The following SEMA3C variants were observed in gnomAD, a reference collection of about 807,000 sequenced individuals.
SEMA3C encodes the protein semaphorin 3C.
Under a neutral mutation model 89.4 loss-of-function variants are expected in SEMA3C, and 47 were observed. The observed-to-expected ratio is 0.53, with a 90% CI of 0.42 to 0.67. SEMA3C has a LOEUF of 0.67. SEMA3C is among the 30% of genes least tolerant of loss of function. The pLI, the probability that SEMA3C is intolerant of heterozygous loss-of-function variation, is 0.00. For missense variants in SEMA3C, 839 were observed against 929.1 expected, an observed-to-expected ratio of 0.90 and a Z score of 1.26; for synonymous variants, 310 against 320.2, an observed-to-expected ratio of 0.97 and a Z score of 0.34.
intron 5 of SEMA3C, among the ~76,000 whole-genome samples, chr7:80,814,648 AC>A (rs1317965127): frequency 3.3e-5 from 5 of 151,956 alleles, no homozygotes; most frequent in African/African-American, 1.2e-4. Context: ...CATTCAACAG[AC>A]CAAACTCAGG....
chr7:80,909,036 C>T lies in SEMA3C; in HGVS notation c.103+7643G>A, dbSNP rs572641655. ...AGTATACACTTAGGAAAGACTAAAA[C>T]GGTATTCAAATATAATGTAATTTTA... On this transcript the variant is annotated intron_variant, in intron 2 of 17. Coordinates refer to ENST00000265361, the MANE Select transcript of SEMA3C (RefSeq NM_006379.5). 2.6e-4 allele frequency among the ~76,000 whole-genome samples: 40 copies of T among 151,932 alleles called. No homozygotes were observed. In the South Asian group the frequency reaches 7.3e-3, roughly 28 times the overall value.
intron 15 of SEMA3C, among the ~76,000 whole-genome samples, chr7:80,757,541 C>G (rs1442801533): frequency 6.6e-6 from 1 of 152,176 alleles, no homozygotes. Context: ...GGTATCCATG[C>G]TGAAATAATA....
chr7:80,839,771 A>G (rs1484595828), intron 2 of SEMA3C, among the ~76,000 whole-genome samples: 1 of 152,004 alleles, frequency 6.6e-6, no homozygotes, highest in African/African-American at 2.4e-5. Flanking sequence ...CTGACATGGT[A>G]TATCATGTCA....
intron 4 of SEMA3C, among the ~76,000 whole-genome samples, chr7:80,820,316 T>G (rs1789716720): frequency 6.6e-6 from 1 of 152,030 alleles, no homozygotes; most frequent in African/African-American, 2.4e-5. Flanking sequence ...CGCCTCGGCC[T>G]CCCAAAGTGC....
chr7:80,793,799 T>C (rs1038884156), intron 11 of SEMA3C, among the ~76,000 whole-genome samples: 1 of 133,880 alleles, frequency 7.5e-6, no homozygotes, highest in Non-Finnish European at 1.7e-5. Context: ...TGAAGACAGA[T>C]TGCAGAAAAT....
At chr7:80,832,425 C>T (rs1044442152) in intron 2 of SEMA3C, among the ~76,000 whole-genome samples, 1 of 152,172 alleles carries the variant, frequency 6.6e-6, no homozygotes, top group African/African-American at 2.4e-5. Flanking sequence ...TGTAGATTAT[C>T]TATCTAATTA....
chr7:80,758,468 G>A lies in SEMA3C; in HGVS notation c.1506C>T (p.Ser502=). ...GAGATACCTGGGAAACCCCTTCATT[G>A]GAACTCACATACAACTGTTGCTATT... ...SSKKQQLYVS[S]NEGVSQVSLH... is the part of the protein sequence containing the mutation. The change falls in exon 15 of 18, where the codon TCC becomes TCT. Residue 502 remains serine (S), a synonymous_variant. Transcript: ENST00000265361. The A allele has an allele frequency of 6.2e-7, 1 of 1,613,794 alleles. No homozygotes were observed. The highest frequency in any genetic ancestry group is 8.5e-7 in the Non-Finnish European group (1 of 1,179,806).
rs1283882331 is a variant in SEMA3C at position 80,882,492 on chromosome 7, C to T, written c.103+34187G>A. On this transcript the variant is annotated intron_variant, in intron 2 of 17. Transcript: ENST00000265361. ...TATTATTTATTTATTTGCCAAAATA[C>T]GACTGTATGAAAAAAAGCTACCTCA... Among the ~76,000 whole-genome samples the T allele has an allele frequency of 9.9e-5, 12 of 121,528 alleles. No individual in the cohort carries two copies. In the South Asian group the frequency reaches 2.0e-3, roughly 20 times the overall value. The allele number at this position is 121,528 out of a possible 152,430, so 79.7% of individuals were successfully genotyped here. A position where few individuals can be genotyped will look rare whatever the true frequency, so the allele number is the denominator to read the frequency against.
chr7:80,744,322 TAAA>T lies in SEMA3C; in HGVS notation c.*569_*571del, dbSNP rs1242436224. ...CAGTAACTGATTATTTTTACAATCT[TAAA>T]AAAACCCCAACATATTTCATTGGAA... On this transcript the variant is annotated 3_prime_UTR_variant, in exon 18 of 18. Transcript: ENST00000265361. 1 of 152,516 alleles carries T rather than the reference TAAA, an allele frequency of 6.6e-6. No individual in the cohort carries two copies. Among genetic ancestry groups the T allele is most frequent in the African/African-American group, 2.4e-5 (1 of 41,448 alleles). 9.4% of individuals were successfully genotyped at this position (152,516 alleles called of 1,614,324 possible).
intron 2 of SEMA3C, among the ~76,000 whole-genome samples, chr7:80,846,471 C>T (rs1790393044): frequency 1.3e-5 from 2 of 152,180 alleles, no homozygotes; most frequent in Non-Finnish European, 2.9e-5. Context: ...ATCATCCCGC[C>T]TCAGCCTCCT....
At chr7:80,902,932 T>G (rs1416640185) in intron 2 of SEMA3C, among the ~76,000 whole-genome samples, 3 of 152,202 alleles carry the variant, frequency 2.0e-5, no homozygotes, top group African/African-American at 7.2e-5. Flanking sequence ...CAAGATTATG[T>G]GCTAAGAAGA....
intron 2 of SEMA3C, among the ~76,000 whole-genome samples, chr7:80,910,654 C>CTTT (rs777385675): frequency 0.017 from 2,292 of 131,040 alleles, 73 homozygotes; most frequent in East Asian, 0.13. Context: ...AATGCTCGTT[C>CTTT]TTTTTTTTTT....
At chr7:80,879,602 T>C (rs188905670) in intron 2 of SEMA3C, among the ~76,000 whole-genome samples, 5 of 152,318 alleles carry the variant, frequency 3.3e-5, no homozygotes, top group Non-Finnish European at 7.4e-5. Flanking sequence ...TTCCCTGAGT[T>C]ATGCTATAGA....
chr7:80,784,290 T>G (rs1355612354), intron 12 of SEMA3C, among the ~76,000 whole-genome samples: 1 of 141,670 alleles, frequency 7.1e-6, no homozygotes, highest in South Asian at 2.3e-4. Flanking sequence ...AAAAGAGAGA[T>G]AAAGAACATA....
At chr7:80,785,668 G>A (rs2117100897) in intron 12 of SEMA3C, among the ~76,000 whole-genome samples, 1 of 152,328 alleles carries the variant, frequency 6.6e-6, no homozygotes, top group Admixed American at 6.5e-5. Flanking sequence ...TGCCCAGGCT[G>A]GAGTGCAATG....
intron 2 of SEMA3C, among the ~76,000 whole-genome samples, chr7:80,858,164 G>C (rs1206661335): frequency 1.3e-5 from 2 of 152,038 alleles, no homozygotes; most frequent in East Asian, 3.9e-4. Context: ...TATACTCCTA[G>C]TTATTTGTAT....
chr7:80,887,942 G>A (rs1459007334), intron 2 of SEMA3C, among the ~76,000 whole-genome samples: 1 of 152,110 alleles, frequency 6.6e-6, no homozygotes, highest in East Asian at 1.9e-4. Flanking sequence ...AATATAGCTG[G>A]AAGGACAGAA....
chr7:80,871,635 G>A (rs867040597), intron 2 of SEMA3C, among the ~76,000 whole-genome samples: 28 of 152,092 alleles, frequency 1.8e-4, no homozygotes, highest in South Asian at 4.1e-4. Context: ...CCTGCTTATC[G>A]TTCCAATAAT....
At chr7:80,814,934 C>T (rs1267832835) in intron 5 of SEMA3C, among the ~76,000 whole-genome samples, 1 of 152,152 alleles carries the variant, frequency 6.6e-6, no homozygotes, top group Non-Finnish European at 1.5e-5. Flanking sequence ...TTCCACCCCC[C>T]ACGCACCGTG....
Sources: gnomAD v4.1 joint callset for allele counts (sites outside exome capture counted in the v4.1 genomes callset) on GRCh38, gnomAD v4.1.1 for gene constraint, MANE v1.5 for transcripts, NCBI Gene and HGNC (gene_info 2026-07-23, HGNC 2026-07-21) for gene names.